Variants in GRIA3 observed in about 807,000 individuals in gnomAD.
GRIA3 encodes glutamate ionotropic receptor AMPA type subunit 3, also known as glutamate receptor 3.
In GRIA3, 3 loss-of-function variants were observed where a neutral mutation model predicts 63.0. The ratio of observed to expected loss-of-function variants is 0.05; its 90% CI spans 0.02 to 0.12. The LOEUF is 0.12. GRIA3 is among the 10% of genes least tolerant of loss of function. The pLI, the probability that GRIA3 is intolerant of heterozygous loss-of-function variation, is 1.00. For missense variants in GRIA3, 347 were observed against 700.9 expected, an observed-to-expected ratio of 0.50 and a Z score of 5.70; for synonymous variants, 274 against 257.9, an observed-to-expected ratio of 1.06 and a Z score of -0.60.
chrX:123,341,706 G>T (rs1402168433), intron 4 of GRIA3, among the ~76,000 whole-genome samples: 1 of 112,364 alleles, frequency 8.9e-6, no homozygotes, highest in African/African-American at 3.2e-5. Context: ...CACCATACAG[G>T]TATTGTGCTA....
At chrX:123,209,678 G>A (rs994455713) in intron 2 of GRIA3, among the ~76,000 whole-genome samples, 21 of 111,983 alleles carry the variant, frequency 1.9e-4, no homozygotes, top group African/African-American at 4.5e-4. Context: ...GGACTTCAAG[G>A]TAGTTTCCCT....
chrX:123,371,054 C>G (rs1327852168), intron 5 of GRIA3, among the ~76,000 whole-genome samples: 1 of 98,558 alleles, frequency 1.0e-5, no homozygotes, highest in Non-Finnish European at 2.0e-5. Context: ...CCTTCCCAAC[C>G]TCTGATTACC....
At chrX:123,204,469 T>G in intron 2 of GRIA3, 1 of 1,160,227 alleles carries the variant, frequency 8.6e-7, no homozygotes, top group East Asian at 3.3e-5. Flanking sequence ...TCTTGAGTTC[T>G]CAACTGAGTG....
At chrX:123,473,519 T>C (rs2045873618) in intron 13 of GRIA3, among the ~76,000 whole-genome samples, 2 of 111,786 alleles carry the variant, frequency 1.8e-5, no homozygotes, top group South Asian at 7.6e-4. Flanking sequence ...CTGGGGCTTT[T>C]CCAGAGAATG....
At chrX:123,459,993 CAA>C (rs1347609481) in intron 12 of GRIA3, among the ~76,000 whole-genome samples, 1 of 111,517 alleles carries the variant, frequency 9.0e-6, no homozygotes, top group Non-Finnish European at 1.9e-5. Flanking sequence ...ATTCAGTCAT[CAA>C]AAAGAGTCCA....
chrX:123,367,434 T>G (rs1432204599), intron 5 of GRIA3, among the ~76,000 whole-genome samples: 3 of 96,062 alleles, frequency 3.1e-5, no homozygotes, highest in South Asian at 4.2e-4. Flanking sequence ...TTGTTTTTTG[T>G]TTTTTGTTTT....
intron 14 of GRIA3, among the ~76,000 whole-genome samples, chrX:123,480,456 G>T (rs746742558): frequency 7.2e-5 from 8 of 111,633 alleles, no homozygotes; most frequent in Non-Finnish European, 1.3e-4. Context: ...TTATAAGGGG[G>T]TTTTACTGTA....
rs138523464 is a variant in GRIA3 at position 123,287,113 on chromosome X, C to T, written c.508+33571C>T. Among the ~76,000 whole-genome samples the T allele has an allele frequency of 7.2e-5, 8 of 111,803 alleles. No homozygotes were observed. The East Asian group carries it at 1.1e-3, about 16-fold the overall frequency. On this transcript the variant is annotated intron_variant, in intron 3 of 15. Transcript: ENST00000620443. ...TGGGATGCAAAGCTGATTCAACATA[C>T]GCAAATCAATACACATAATCCATCA... is the stretch of plus-strand genomic sequence containing the variant.
chrX:123,338,960 C>T (rs2044992287), intron 4 of GRIA3, among the ~76,000 whole-genome samples: 2 of 112,255 alleles, frequency 1.8e-5, no homozygotes, highest in South Asian at 7.4e-4. Flanking sequence ...ATAGACAAAG[C>T]TGTTCAGTCT....
chrX:123,203,049 T>C (rs951147915), intron 2 of GRIA3, among the ~76,000 whole-genome samples: 1 of 112,016 alleles, frequency 8.9e-6, no homozygotes, highest in African/African-American at 3.2e-5. Flanking sequence ...GATAGGTTAT[T>C]AAAGGAAACG....
At chrX:123,466,386 T>C (rs1333053479) in intron 13 of GRIA3, among the ~76,000 whole-genome samples, 2 of 112,039 alleles carry the variant, frequency 1.8e-5, no homozygotes, top group Non-Finnish European at 3.8e-5. Context: ...CCACCCCATA[T>C]AGAGACTTTG....
At chrX:123,300,589 C>G (rs144902739) in intron 3 of GRIA3, among the ~76,000 whole-genome samples, 1 of 107,643 alleles carries the variant, frequency 9.3e-6, no homozygotes, top group African/African-American at 3.4e-5. Flanking sequence ...TTTCAAAAAT[C>G]CAGCTCCGGG....
chrX:123,191,046 C>T (rs1211364172), intron 2 of GRIA3, among the ~76,000 whole-genome samples: 2 of 111,862 alleles, frequency 1.8e-5, no homozygotes, highest in Non-Finnish European at 3.8e-5. Flanking sequence ...TAAGACAGGG[C>T]CAGAATTTTA....
intron 2 of GRIA3, among the ~76,000 whole-genome samples, chrX:123,215,927 T>C (rs756295344): frequency 8.9e-6 from 1 of 111,820 alleles, no homozygotes; most frequent in African/African-American, 3.3e-5. Flanking sequence ...ACAAACCCAG[T>C]CACAGGCTGC....
intron 3 of GRIA3, among the ~76,000 whole-genome samples, chrX:123,280,738 T>G (rs1373838406): frequency 1.8e-5 from 2 of 112,181 alleles, no homozygotes; most frequent in Non-Finnish European, 3.8e-5. Flanking sequence ...ATGAGCTGAG[T>G]TCTGGACATA....
chrX:123,286,688 C>A (rs1362151661), intron 3 of GRIA3, among the ~76,000 whole-genome samples: 1 of 111,568 alleles, frequency 9.0e-6, no homozygotes, highest in Non-Finnish European at 1.9e-5. Flanking sequence ...TTCCTGGACA[C>A]ACACACCCTT....
At chrX:123,445,005 G>A (rs1246427072) in intron 12 of GRIA3, among the ~76,000 whole-genome samples, 1 of 111,347 alleles carries the variant, frequency 9.0e-6, no homozygotes, top group African/African-American at 3.3e-5. Context: ...CAGCCCAGAG[G>A]GCAGATTGCC....
chrX:123,359,364 G>C (rs993242578), intron 5 of GRIA3, among the ~76,000 whole-genome samples: 3 of 111,257 alleles, frequency 2.7e-5, no homozygotes, highest in Non-Finnish European at 5.6e-5. Context: ...AATTGAAAAG[G>C]TGGTATACTA....
At chrX:123,196,328 C>T (rs1435096218) in intron 2 of GRIA3, among the ~76,000 whole-genome samples, 1 of 112,061 alleles carries the variant, frequency 8.9e-6, no homozygotes, top group African/African-American at 3.3e-5. Flanking sequence ...TATTAATAGC[C>T]TGCCATAGTT....
Sources: gnomAD v4.1 joint callset for allele counts (sites outside exome capture counted in the v4.1 genomes callset) on GRCh38, gnomAD v4.1.1 for gene constraint, MANE v1.5 for transcripts, NCBI Gene and HGNC (gene_info 2026-07-23, HGNC 2026-07-21) for gene names.